Variants in CACNA1C observed in about 807,000 individuals in gnomAD.
The protein encoded by CACNA1C is voltage-dependent L-type calcium channel subunit alpha-1C.
In CACNA1C, 30 loss-of-function variants were observed where a neutral mutation model predicts 229.0. The observed-to-expected ratio is 0.13, with a 90% CI of 0.10 to 0.18. The LOEUF (loss-of-function observed/expected upper bound fraction) is 0.18. Among genes scored for constraint, CACNA1C ranks in the 10% least tolerant of loss-of-function variants. The probability of loss-of-function intolerance (pLI) is 1.00; values close to 1 mark genes in which losing one functional copy is unlikely to be tolerated. For synonymous variants in CACNA1C, 1,114 were observed against 1,132.5 expected, an observed-to-expected ratio of 0.98 and a Z score of 0.33; for missense variants, 1,658 against 2,845.0, an observed-to-expected ratio of 0.58 and a Z score of 9.49.
intron 3 of CACNA1C, among the ~76,000 whole-genome samples, chr12:2,444,346 A>G (rs1234542111): frequency 6.6e-6 from 1 of 152,114 alleles, no homozygotes. Context: ...TCTCTCCCAG[A>G]CTTCATGATT....
intron 3 of CACNA1C, among the ~76,000 whole-genome samples, chr12:2,257,729 C>T (rs1460465201): frequency 6.6e-6 from 1 of 152,220 alleles, no homozygotes; most frequent in Non-Finnish European, 1.5e-5. Flanking sequence ...CAGATTCTCC[C>T]AGGTTCTCAA....
intron 1 of CACNA1C, among the ~76,000 whole-genome samples, chr12:2,007,938 A>T (rs1218626948): frequency 1.3e-5 from 2 of 152,142 alleles, no homozygotes; most frequent in Non-Finnish European, 2.9e-5. Context: ...TTACTACGTT[A>T]CATATACATT....
chr12:2,239,141 G>A (rs1042857237), intron 3 of CACNA1C, among the ~76,000 whole-genome samples: 2 of 152,168 alleles, frequency 1.3e-5, no homozygotes, highest in Non-Finnish European at 2.9e-5. Flanking sequence ...GCGTCCGTGG[G>A]CAGGGCAAAA....
intron 3 of CACNA1C, among the ~76,000 whole-genome samples, chr12:2,277,358 GACAGACACAC>G (rs60738278): frequency 0.037 from 2,973 of 80,736 alleles, 21 homozygotes; most frequent in Admixed American, 0.045. Flanking sequence ...CAGACAGACA[GACAGACACAC>G]ACACACACAC....
rs750661313 is a variant in CACNA1C at position 2,581,731 on chromosome 12, T to G, written c.2037T>G (p.Phe679Leu). ...AGCTCTTTGGAGGAAAGTTCAACTT[T>G]GATGAGATGCAGACCCGGAGGAGCA... ...GMQLFGGKFN[F>L]DEMQTRRSTF... Residue 679 changes from phenylalanine to leucine, a missense_variant, in exon 14 of 47, where the codon TTT (phenylalanine) becomes TTG (leucine). Physicochemically the swap from Phe to Leu is conservative, Grantham distance 22 (BLOSUM62 0). Coordinates refer to ENST00000399655, the MANE Select transcript of CACNA1C (RefSeq NM_000719.7). 4.3e-6 allele frequency: 7 copies of G among 1,613,628 alleles called. No homozygotes were observed. Among genetic ancestry groups the G allele is most frequent in the Non-Finnish European group, 5.9e-6 (7 of 1,179,738 alleles).
At position 2,058,054 on chromosome 12, in the gene CACNA1C, G is replaced by T. The variant is rs148073071; in HGVS notation, c.49+4443G>T. On this transcript the variant is annotated intron_variant, in intron 1 of 46. Coordinates refer to ENST00000399655, the MANE Select transcript of CACNA1C (RefSeq NM_000719.7). ...AAGCTCAGGAGACCCAGGTTAGGAAGTAACTGAGATTTGTTCTAATTTCCA... is the reference window on the plus strand; with the variant it reads ...AAGCTCAGGAGACCCAGGTTAGGAATTAACTGAGATTTGTTCTAATTTCCA... Among the ~76,000 whole-genome samples, 3 of 152,364 alleles carry T rather than the reference G, an allele frequency of 2.0e-5. No individual in the cohort carries two copies. The East Asian group carries it at 5.8e-4, about 29-fold the overall frequency.
At chr12:2,382,588 G>T (rs568520693) in intron 3 of CACNA1C, among the ~76,000 whole-genome samples, 1 of 152,250 alleles carries the variant, frequency 6.6e-6, no homozygotes, top group East Asian at 1.9e-4. Context: ...TATCATAGGG[G>T]GAGCTCTGAG....
rs182213872 is a variant in CACNA1C at position 2,436,118 on chromosome 12, T to C, written c.478-12858T>C. 8.7e-4 allele frequency among the ~76,000 whole-genome samples: 132 copies of C among 152,218 alleles called. 1 individual carries two copies. Among genetic ancestry groups the C allele is most frequent in the Middle Eastern group, 3.4e-3 (1 of 294 alleles). Reference sequence around the variant, plus strand: ...GTGAGAGTTGGGAGAAGACAAGATATGGAGGTGGGGAAGGAAGGATTTAAG... The same window carrying C: ...GTGAGAGTTGGGAGAAGACAAGATACGGAGGTGGGGAAGGAAGGATTTAAG... On this transcript the variant is annotated intron_variant, in intron 3 of 46. Coordinates refer to ENST00000399655, the MANE Select transcript of CACNA1C (RefSeq NM_000719.7).
rs560720910 is a variant in CACNA1C at position 2,013,627 on chromosome 12, T to C, written c.139+42426T>C. Among the ~76,000 whole-genome samples, 9 of 152,284 alleles carry C rather than the reference T, an allele frequency of 5.9e-5. No individual in the cohort carries two copies. In the South Asian group the frequency reaches 1.9e-3, roughly 32 times the overall value. ...CTCTGCTCTGATACTAATGCAGGAA[T>C]CTTGGGTGTTTTCAGGACCTGTTGT... On this transcript the variant is annotated intron_variant, in intron 1 of 46. Transcript: ENST00000682462.
intron 1 of CACNA1C, among the ~76,000 whole-genome samples, chr12:2,061,012 G>A (rs2057290373): frequency 6.6e-6 from 1 of 152,112 alleles, no homozygotes; most frequent in Admixed American, 6.5e-5. Flanking sequence ...ATTAACAAAA[G>A]TAACAAAGTA....
At chr12:2,084,714 G>A (rs1763688384) in intron 1 of CACNA1C, among the ~76,000 whole-genome samples, 1 of 152,180 alleles carries the variant, frequency 6.6e-6, no homozygotes, top group African/African-American at 2.4e-5. Flanking sequence ...AAGAAGTAAA[G>A]ATTGCGTTTG....
chr12:2,316,159 A>G (rs1167186659), intron 3 of CACNA1C, among the ~76,000 whole-genome samples: 1 of 152,250 alleles, frequency 6.6e-6, no homozygotes, highest in East Asian at 1.9e-4. Flanking sequence ...AGTTTCTACC[A>G]ATGTGGGGCA....
chr12:2,081,299 G>T (rs949224470), intron 1 of CACNA1C, among the ~76,000 whole-genome samples: 19 of 152,132 alleles, frequency 1.2e-4, no homozygotes, highest in Non-Finnish European at 2.2e-4. Context: ...GGCCAGGTGC[G>T]GTGGCTCACG....
chr12:2,543,888 C>T (rs1235504989), intron 9 of CACNA1C, among the ~76,000 whole-genome samples: 3 of 152,180 alleles, frequency 2.0e-5, no homozygotes, highest in African/African-American at 7.2e-5. Flanking sequence ...AATGCTTCTG[C>T]ATGGAAGGCG....
At chr12:2,542,124 T>C (rs7314375) in intron 9 of CACNA1C, among the ~76,000 whole-genome samples, 24,268 of 152,074 alleles carry the variant, frequency 0.16, 2,128 homozygotes, top group African/African-American at 0.23. Context: ...TTTATTGCTG[T>C]CACCTTAGTG....
intron 3 of CACNA1C, among the ~76,000 whole-genome samples, chr12:2,237,470 GAC>G (rs1303322552): frequency 2.0e-5 from 3 of 152,234 alleles, no homozygotes; most frequent in Non-Finnish European, 4.4e-5. Flanking sequence ...CCTGTTGTTT[GAC>G]AGAAAGGAAG....
At chr12:2,662,107 TAGCA>T (rs1307661363) in intron 34 of CACNA1C, among the ~76,000 whole-genome samples, 11 of 151,846 alleles carry the variant, frequency 7.2e-5, no homozygotes, top group Admixed American at 7.2e-4. Context: ...CCGGGCGTGG[TAGCA>T]GGCGCCTGTA....
intron 1 of CACNA1C, among the ~76,000 whole-genome samples, chr12:2,113,392 C>A (rs547760744): frequency 1.3e-5 from 2 of 152,198 alleles, no homozygotes; most frequent in South Asian, 4.2e-4. Flanking sequence ...AGGATCAGCC[C>A]AAGATAAGAG....
At position 2,632,055 on chromosome 12, in the gene CACNA1C, C is replaced by A. The variant is rs771090446; in HGVS notation, c.3829-2242C>A. On this transcript the variant is annotated intron_variant, in intron 29 of 46. Transcript: ENST00000399655. This position sits in a 1 kb window ranked among gnomAD's most constrained non-coding sequence, Gnocchi z 4.1. ...CTGGGGAGAGATCTGGGGAACCTCT[C>A]GGAGGACGCTTCATGCTTTCATACC... Among the ~76,000 whole-genome samples the A allele has an allele frequency of 6.6e-6, 1 of 151,820 alleles. No homozygotes were observed. Among genetic ancestry groups the A allele is most frequent in the African/African-American group, 2.4e-5 (1 of 41,288 alleles).
Sources: gnomAD v4.1 joint callset for allele counts (sites outside exome capture counted in the v4.1 genomes callset) on GRCh38, gnomAD v4.1.1 for gene constraint, Gnocchi (gnomAD v3.1) non-coding constraint, MANE v1.5 for transcripts, NCBI Gene and HGNC (gene_info 2026-07-23, HGNC 2026-07-21) for gene names.